The following CCL13 variants were observed in gnomAD, a reference collection of about 807,000 sequenced individuals.
The protein encoded by CCL13 is C-C motif chemokine ligand 13, also known as C-C motif chemokine 13.
Under a neutral mutation model 6.6 loss-of-function variants are expected in CCL13, and 5 were observed. That is an observed-to-expected ratio of 0.76 (90% CI 0.40 to 1.60). The LOEUF (loss-of-function observed/expected upper bound fraction) is 1.60, where lower values mean the gene tolerates loss of function less well. CCL13 is among the 40% of genes most tolerant of loss of function. The probability of loss-of-function intolerance (pLI) is 0.02; values close to 1 mark genes in which losing one functional copy is unlikely to be tolerated. For synonymous variants in CCL13, 39 were observed against 43.0 expected (o/e 0.91, Z 0.37); for missense variants, 117 against 114.2 (o/e 1.02, Z -0.11).
intron 2 of CCL13, 88 bp downstream of exon 2, chr17:34,357,677 C>T (rs1910387982): frequency 2.5e-6 from 2 of 814,666 alleles, no homozygotes; most frequent in Non-Finnish European, 4.2e-6. Flanking sequence ...AGACGTCAGA[C>T]TGACTTGAGA....
intron 1 of CCL13, among the ~76,000 whole-genome samples, 194 bp from the exon 2 acceptor site, chr17:34,357,281 C>A (rs570540135): frequency 6.6e-6 from 1 of 152,096 alleles, no homozygotes; most frequent in Non-Finnish European, 1.5e-5. Context: ...TGCAGCTGAG[C>A]CTTTGAGATC....
chr17:34,357,904 C>T (rs1910394147), intron 2 of CCL13, 122 bp from the exon 3 acceptor site: 2 of 658,376 alleles, frequency 3.0e-6, no homozygotes. Flanking sequence ...ACTTCCTGTC[C>T]TGGAGGGGTG....
In CCL13 at chr17:34,358,183, A is replaced by G. The variant is rs777206868; in HGVS notation, c.*52A>G. On this transcript the variant is annotated 3_prime_UTR_variant, in exon 3 of 3. Transcript: ENST00000225844. ...CTGGAGTACGTGAAATGACTTTTCC[A>G]TTCTCCTCTGGCCTCCTCTTCTATG... The G allele has an allele frequency of 3.2e-5, 40 of 1,237,192 alleles. 2 individuals carry two copies. In the South Asian group the frequency reaches 3.6e-4, roughly 11 times the overall value. 76.6% of individuals were successfully genotyped at this position (1,237,192 alleles called of 1,614,324 possible). A position where few individuals can be genotyped will look rare whatever the true frequency, so the allele number is the denominator to read the frequency against.
In CCL13 at chr17:34,358,483, G is replaced by A. The variant is rs1910414387; in HGVS notation, c.*352G>A. The A allele has an allele frequency of 3.5e-5, 11 of 310,334 alleles. No homozygotes were observed. Among genetic ancestry groups the A allele is most frequent in the South Asian group, 3.5e-4 (11 of 31,840 alleles). 19.2% of individuals were successfully genotyped at this position (310,334 alleles called of 1,614,324 possible). On this transcript the variant is annotated 3_prime_UTR_variant, in exon 3 of 3. Transcript: ENST00000225844. The stretch of plus-strand genomic sequence containing the variant: ...GTGGGAGTCATGGACATGAAGGGAT[G>A]CTGCAATGTAGGAAGGAGAGCTCTT...
rs1249377402 is a variant in CCL13 at position 34,356,499 on chromosome 17, G to T, written c.-28G>T. 2 of 1,565,258 alleles carry T rather than the reference G, an allele frequency of 1.3e-6. No individual in the cohort carries two copies. Among genetic ancestry groups the T allele is most frequent in the African/African-American group, 2.7e-5 (2 of 73,646 alleles). ...AGGAGCAGAGAGGCAAAGAAACATT[G>T]TGAAATCTCCAACTCTTAACCTTCA... On this transcript the variant is annotated 5_prime_UTR_variant, in exon 1 of 3. Transcript: ENST00000225844.
At position 34,358,107 on chromosome 17, in the gene CCL13, GA is replaced by G. The variant is rs1212350277; in HGVS notation, c.276del (p.Ala93LeufsTer4). On this transcript the variant is annotated frameshift_variant, in exon 3 of 3. Coordinates refer to ENST00000225844, the MANE Select transcript of CCL13 (RefSeq NM_005408.3). LOFTEE classifies it low-confidence loss of function (END_TRUNC). ...AGAATTATATGAAACACCTGGGCCG[GA>G]AAGCTCACACCCTGAAGACTTGAAC... ...VQNYMKHLGR[K>X]AHTLKT 2.5e-6 allele frequency: 4 copies of G among 1,613,818 alleles called. No homozygotes were observed. Among genetic ancestry groups the G allele is most frequent in the Non-Finnish European group, 3.4e-6 (4 of 1,179,716 alleles).
intron 2 of CCL13, 114 bp downstream of exon 2, chr17:34,357,703 T>C: frequency 9.8e-6 from 7 of 713,454 alleles, no homozygotes; most frequent in Non-Finnish European, 1.7e-5. Context: ...GGATGAGATC[T>C]AGCCAGACTG....
intron 1 of CCL13, 151 bp downstream of exon 1, chr17:34,356,753 CA>C: frequency 3.6e-6 from 2 of 555,432 alleles, no homozygotes; most frequent in East Asian, 6.1e-5. Context: ...TGGCTCATTG[CA>C]ACCTTCACCT....
rs754905287 is a variant in CCL13, at chr17:34,358,098, C to A, written c.264C>A (p.His88Gln). The change falls in exon 3 of 3, where the codon CAC becomes CAA. Residue 88 changes from histidine to glutamine, a missense_variant. By Grantham distance (24) the His-to-Gln change is conservative. Transcript: ENST00000225844. ...KEKWVQNYMK[H>Q]LGRKAHTLKT Reference sequence around the variant, plus strand: ...AGTGGGTCCAGAATTATATGAAACACCTGGGCCGGAAAGCTCACACCCTGA... The same window carrying A: ...AGTGGGTCCAGAATTATATGAAACAACTGGGCCGGAAAGCTCACACCCTGA... 6.2e-7 allele frequency: 1 copy of A among 1,613,952 alleles called. No homozygotes were observed. The highest frequency in any genetic ancestry group is 2.2e-5 in the East Asian group (1 of 44,890).
intron 1 of CCL13, among the ~76,000 whole-genome samples, chr17:34,357,144 G>C (rs887707748): frequency 6.6e-6 from 1 of 152,214 alleles, no homozygotes; most frequent in Non-Finnish European, 1.5e-5. Context: ...TCTGACTCCA[G>C]ATTTAGGGCC....
chr17:34,356,746 C>A (rs905097646), intron 1 of CCL13, 144 bp downstream of exon 1: 2 of 567,734 alleles, frequency 3.5e-6, no homozygotes, highest in African/African-American at 1.9e-5. Context: ...GCGATCTTGG[C>A]TCATTGCAAC....
chr17:34,358,004 G>A (rs771707528), intron 2 of CCL13, 22 bp from the exon 3 acceptor site: 1 of 1,567,206 alleles, frequency 6.4e-7, no homozygotes, highest in Non-Finnish European at 8.8e-7. Flanking sequence ...ATCTAACTGT[G>A]CCAGATCTCC....
intron 1 of CCL13, among the ~76,000 whole-genome samples, chr17:34,357,267 A>G (rs917813929): frequency 2.0e-5 from 3 of 151,942 alleles, no homozygotes; most frequent in Admixed American, 6.5e-5. Context: ...ACATGTCTCC[A>G]CCATGCAGCT....
In CCL13 at chr17:34,357,543, A is replaced by G. The variant is rs1567663305; in HGVS notation, c.145A>G (p.Lys49Glu). The change falls in exon 2 of 3, where the codon AAG (lysine) becomes GAG (glutamate). Residue 49 changes from lysine (K) to glutamate (E), a missense_variant. Physicochemically the swap from Lys to Glu is moderately conservative, Grantham distance 56. Coordinates refer to ENST00000225844, the MANE Select transcript of CCL13 (RefSeq NM_005408.3). ...SSKKISLQRL[K>E]SYVITTSRCP... ...TAAGAAGATCTCCTTGCAGAGGCTG[A>G]AGAGCTATGTGATCACCACCAGCAG... is the stretch of plus-strand genomic sequence containing the variant. The G allele has an allele frequency of 1.9e-6, 3 of 1,613,600 alleles. No homozygotes were observed. The highest frequency in any genetic ancestry group is 2.5e-6 in the Non-Finnish European group (3 of 1,179,556).
chr17:34,356,817 G>A (rs1453016373), intron 1 of CCL13, among the ~76,000 whole-genome samples: 1 of 152,162 alleles, frequency 6.6e-6, no homozygotes, highest in African/African-American at 2.4e-5. Context: ...TGTGATTACA[G>A]GCACCCGCCA....
In CCL13 at chr17:34,358,150, A is replaced by G; in HGVS notation, c.*19A>G. 1 of 1,554,048 alleles carries G rather than the reference A, an allele frequency of 6.4e-7. No homozygotes were observed. On this transcript the variant is annotated 3_prime_UTR_variant, in exon 3 of 3. Coordinates refer to ENST00000225844, the MANE Select transcript of CCL13 (RefSeq NM_005408.3). ...GACTTGAACTCTGCTACCCCTACTG[A>G]AATCAAGCTGGAGTACGTGAAATGA...
intron 1 of CCL13, among the ~76,000 whole-genome samples, chr17:34,357,033 A>G (rs879276423): frequency 2.6e-5 from 4 of 152,196 alleles, no homozygotes; most frequent in Admixed American, 6.5e-5. Flanking sequence ...TCACTTTAAC[A>G]TCTAATTTTA....
In CCL13 at chr17:34,358,269, G is replaced by T. The variant is rs1204197058; in HGVS notation, c.*138G>T. The T allele has an allele frequency of 1.5e-6, 1 of 677,454 alleles. No homozygotes were observed. Among genetic ancestry groups the T allele is most frequent in the Non-Finnish European group, 2.6e-6 (1 of 383,900 alleles). The allele number at this position is 677,454 out of a possible 1,614,324, so 42.0% of individuals were successfully genotyped here. A position where few individuals can be genotyped will look rare whatever the true frequency, so the allele number is the denominator to read the frequency against. ...TGCATTCGGTTTTGTGATTCAAAATGTACTATGTGTTAAGTAATATTGGCT... is the reference window on the plus strand; with the variant it reads ...TGCATTCGGTTTTGTGATTCAAAATTTACTATGTGTTAAGTAATATTGGCT... On this transcript the variant is annotated 3_prime_UTR_variant, in exon 3 of 3. Coordinates refer to ENST00000225844, the MANE Select transcript of CCL13 (RefSeq NM_005408.3).
In CCL13 at chr17:34,358,538, A is replaced by G. The variant is rs1910416483; in HGVS notation, c.*407A>G. On this transcript the variant is annotated 3_prime_UTR_variant, in exon 3 of 3. Transcript: ENST00000225844. ...AATGTGAGGTGTTGCTAAATATGTTATTGTGGAAAGATGAATGCAATAGTA... is the reference window on the plus strand; with the variant it reads ...AATGTGAGGTGTTGCTAAATATGTTGTTGTGGAAAGATGAATGCAATAGTA... The G allele has an allele frequency of 4.1e-6, 1 of 246,138 alleles. No homozygotes were observed. The highest frequency in any genetic ancestry group is 6.0e-5 in the Admixed American group (1 of 16,578). 15.2% of individuals were successfully genotyped at this position (246,138 alleles called of 1,614,324 possible). A position where few individuals can be genotyped will look rare whatever the true frequency, so the allele number is the denominator to read the frequency against.
Sources: gnomAD v4.1 joint callset for allele counts (sites outside exome capture counted in the v4.1 genomes callset) on GRCh38, gnomAD v4.1.1 for gene constraint, MANE v1.5 for transcripts, NCBI Gene and HGNC (gene_info 2026-07-23, HGNC 2026-07-21) for gene names.